Variants in NUP93 observed in about 807,000 individuals in gnomAD.
The protein encoded by NUP93 is nucleoporin 93.
In NUP93, 55 loss-of-function variants were observed where a neutral mutation model predicts 107.8. That is an observed-to-expected ratio of 0.51 (90% confidence interval 0.41 to 0.64). NUP93 has a LOEUF of 0.64. NUP93 is among the 30% of genes least tolerant of loss of function. The pLI, the probability that NUP93 is intolerant of heterozygous loss-of-function variation, is 0.00. For missense variants in NUP93, 937 were observed against 1,044.7 expected (o/e 0.90, Z 1.42); for synonymous variants, 390 against 397.5 (o/e 0.98, Z 0.22).
chr16:56,814,885 C>T (rs1963388916), intron 5 of NUP93, among the ~76,000 whole-genome samples: 1 of 152,226 alleles, frequency 6.6e-6, no homozygotes, highest in South Asian at 2.1e-4. Flanking sequence ...GGTGGCTTTC[C>T]CAGCCCTCAG....
intron 7 of NUP93, among the ~76,000 whole-genome samples, chr16:56,821,940 G>A (rs1230153914): frequency 6.7e-6 from 1 of 150,038 alleles, no homozygotes; most frequent in East Asian, 1.9e-4. Context: ...TAAGGTGATG[G>A]CTTTTTACAC....
chr16:56,795,630 A>ATATTTT (rs5817076), intron 3 of NUP93, among the ~76,000 whole-genome samples: 49,879 of 146,970 alleles, frequency 0.34, 9,233 homozygotes, highest in East Asian at 0.52. Flanking sequence ...TGCTGGAGGA[A>ATATTTT]TATTTTTATT....
rs142113422 is a variant in NUP93 at position 56,836,863 on chromosome 16, G to T, written c.1899+146G>T. 1.7e-4 allele frequency: 94 copies of T among 569,432 alleles called. No individual in the cohort carries two copies. In the East Asian group the frequency reaches 2.6e-3, roughly 16 times the overall value. The allele number at this position is 569,432 out of a possible 1,614,324, so 35.3% of individuals were successfully genotyped here. On this transcript the variant is annotated intron_variant, in intron 17 of 21. Coordinates refer to ENST00000308159, the MANE Select transcript of NUP93 (RefSeq NM_014669.5). Reference sequence around the variant, plus strand: ...TAGTGCTTAGACAGTTAATGGTCCAGTCAGGACAGAATTCCCATTTTACAG... The same window carrying T: ...TAGTGCTTAGACAGTTAATGGTCCATTCAGGACAGAATTCCCATTTTACAG...
intron 3 of NUP93, among the ~76,000 whole-genome samples, chr16:56,766,599 G>T (rs2144494995): frequency 6.6e-6 from 1 of 152,338 alleles, no homozygotes; most frequent in East Asian, 1.9e-4. Flanking sequence ...CCAGTCTGTT[G>T]TTCTCAGATG....
At chr16:56,760,265 T>C (rs1257248289) in intron 3 of NUP93, among the ~76,000 whole-genome samples, 1 of 152,216 alleles carries the variant, frequency 6.6e-6, no homozygotes, top group African/African-American at 2.4e-5. Context: ...CAGTCGCTCA[T>C]GCCTCTAATC....
chr16:56,757,159 T>C (rs1962039352), intron 2 of NUP93, among the ~76,000 whole-genome samples: 1 of 152,240 alleles, frequency 6.6e-6, no homozygotes, highest in African/African-American at 2.4e-5. Context: ...CTTTCTCTTC[T>C]CCAGTAAGTC....
chr16:56,843,513 G>A (rs561067950), intron 21 of NUP93, among the ~76,000 whole-genome samples: 1 of 152,302 alleles, frequency 6.6e-6, no homozygotes, highest in East Asian at 1.9e-4. Context: ...TGCCCAAGAA[G>A]TCTGCAAGCC....
intron 8 of NUP93, among the ~76,000 whole-genome samples, chr16:56,828,748 C>T (rs548987270): frequency 3.9e-5 from 6 of 152,268 alleles, no homozygotes; most frequent in Non-Finnish European, 7.4e-5. Flanking sequence ...TGTGTTCCTC[C>T]AGGGATTCTT....
At chr16:56,811,598 A>G (rs1596827816) in intron 5 of NUP93, among the ~76,000 whole-genome samples, 1 of 151,964 alleles carries the variant, frequency 6.6e-6, no homozygotes, top group East Asian at 1.9e-4. Flanking sequence ...AGCCTCCCGA[A>G]TAGCTGGGAT....
chr16:56,840,536 C>T (rs1172618772), intron 20 of NUP93, among the ~76,000 whole-genome samples: 1 of 152,210 alleles, frequency 6.6e-6, no homozygotes, highest in African/African-American at 2.4e-5. Flanking sequence ...CAGCCCAGAC[C>T]TCCCCCAGTC....
intron 3 of NUP93, among the ~76,000 whole-genome samples, chr16:56,762,354 C>T (rs1211044328): frequency 3.9e-5 from 6 of 152,106 alleles, no homozygotes; most frequent in Admixed American, 6.5e-5. Context: ...CCTGAATTGG[C>T]CATGAAAATG....
chr16:56,776,223 GT>G (rs148342665), intron 3 of NUP93, among the ~76,000 whole-genome samples: 32,124 of 151,846 alleles, frequency 0.21, 3,562 homozygotes, highest in Middle Eastern at 0.34. Context: ...AAGAAATACA[GT>G]TTTTTCCCCC....
intron 5 of NUP93, among the ~76,000 whole-genome samples, chr16:56,806,691 C>T (rs1963149020): frequency 1.3e-5 from 2 of 152,152 alleles, no homozygotes; most frequent in Non-Finnish European, 2.9e-5. Context: ...TAGCTTGCTT[C>T]CCCTAGAACA....
chr16:56,830,867 C>CCCCAT (rs1161721813), intron 10 of NUP93, among the ~76,000 whole-genome samples, 182 bp downstream of exon 10: 1 of 152,176 alleles, frequency 6.6e-6, no homozygotes. Context: ...TAAAAGAATG[C>CCCCAT]CCCATTCTGA....
At chr16:56,779,019 C>T (rs1325424732) in intron 3 of NUP93, among the ~76,000 whole-genome samples, 1 of 152,042 alleles carries the variant, frequency 6.6e-6, no homozygotes, top group African/African-American at 2.4e-5. Flanking sequence ...CCAGCTGTAT[C>T]TCAGAAAGCT....
chr16:56,740,114 A>G (rs371767141), intron 1 of NUP93, among the ~76,000 whole-genome samples: 8,139 of 64,702 alleles, frequency 0.13, 51 homozygotes, highest in African/African-American at 0.16. Context: ...GCGGCTGGCC[A>G]GGCGGGGGGC....
At position 56,805,548 on chromosome 16, in the gene NUP93, T is replaced by G; in HGVS notation, c.405T>G (p.Val135=). The G allele has an allele frequency of 2.5e-6, 4 of 1,614,040 alleles. No individual in the cohort carries two copies. Among genetic ancestry groups the G allele is most frequent in the Non-Finnish European group, 3.4e-6 (4 of 1,179,980 alleles). The part of the protein sequence containing the change: ...AEEYHRESML[V]EWEQVKQRIL... Reference sequence around the variant, plus strand: ...AGTACCATCGGGAGTCAATGTTGGTTGAGTGGGAGCAAGTGAAACAGCGAA... The same window carrying G: ...AGTACCATCGGGAGTCAATGTTGGTGGAGTGGGAGCAAGTGAAACAGCGAA... Residue 135 remains valine, a synonymous_variant, in exon 5 of 22, where the codon GTT becomes GTG. Transcript: ENST00000308159.
chr16:56,838,974 G>T lies in NUP93; in HGVS notation c.2041G>T (p.Ala681Ser), dbSNP rs190565265. The change falls in exon 19 of 22, where the codon GCA becomes TCA. Residue 681 changes from alanine (A) to serine (S), a missense_variant. By Grantham distance (99) the Ala-to-Ser change is moderately conservative. Coordinates refer to ENST00000308159, the MANE Select transcript of NUP93 (RefSeq NM_014669.5). ...CAGGTATAGGGCTCAAGGAATAAGCGCAAATAAATTTGTGGACTCCACGTT... is the reference window on the plus strand; with the variant it reads ...CAGGTATAGGGCTCAAGGAATAAGCTCAAATAAATTTGTGGACTCCACGTT... ...AERYRAQGIS[A>S]NKFVDSTFYL... 6.2e-7 allele frequency: 1 copy of T among 1,613,728 alleles called. No individual in the cohort carries two copies. Among genetic ancestry groups the T allele is most frequent in the East Asian group, 2.2e-5 (1 of 44,858 alleles).
At chr16:56,786,673 A>G (rs139604750) in intron 3 of NUP93, among the ~76,000 whole-genome samples, 1 of 152,336 alleles carries the variant, frequency 6.6e-6, no homozygotes, top group Non-Finnish European at 1.5e-5. Context: ...TTTTGGGTCC[A>G]TTGTGTTGGC....
Sources: allele counts gnomAD v4.1 joint callset (sites outside exome capture counted in the v4.1 genomes callset), GRCh38; gene constraint gnomAD v4.1.1; transcripts MANE v1.5; gene names NCBI Gene and HGNC (gene_info 2026-07-23, HGNC 2026-07-21).